The following ABL2 variants were observed in gnomAD, a reference collection of about 807,000 sequenced individuals.
ABL2 encodes ABL proto-oncogene 2, non-receptor tyrosine kinase, also known as tyrosine-protein kinase ABL2.
Under a neutral mutation model 107.7 loss-of-function variants are expected in ABL2, and 49 were observed. The observed-to-expected ratio is 0.45, with a 90% CI of 0.36 to 0.58. The LOEUF is 0.58. Ranked by LOEUF, ABL2 falls within the 20% of genes least tolerant of loss-of-function variation. ABL2 has a pLI of 0.00. For synonymous variants in ABL2, 549 were observed against 548.6 expected (o/e 1.00, Z -0.01); for missense variants, 1,245 against 1,457.0 (o/e 0.85, Z 2.37).
chr1:179,207,749 A>G (rs930774173), intron 1 of ABL2, among the ~76,000 whole-genome samples: 14 of 152,136 alleles, frequency 9.2e-5, no homozygotes, highest in African/African-American at 3.1e-4. Context: ...ATTTTTTTAT[A>G]CCTATGTCAA....
chr1:179,135,084 C>T (rs1182844201), intron 1 of ABL2, among the ~76,000 whole-genome samples: 1 of 152,224 alleles, frequency 6.6e-6, no homozygotes, highest in East Asian at 1.9e-4. Flanking sequence ...TCACTACAAC[C>T]TCCACCTCCC....
intron 1 of ABL2, among the ~76,000 whole-genome samples, chr1:179,156,280 CAAAG>C (rs1486485355): frequency 1.3e-5 from 2 of 152,236 alleles, no homozygotes; most frequent in East Asian, 3.9e-4. Flanking sequence ...CCAAGAGAAA[CAAAG>C]CACCTATTCA....
intron 1 of ABL2, among the ~76,000 whole-genome samples, chr1:179,145,668 C>CA (rs1657934663): frequency 6.6e-6 from 1 of 151,842 alleles, no homozygotes; most frequent in Admixed American, 6.6e-5. Context: ...TCTGAGTAGA[C>CA]AATGTAGCAA....
chr1:179,125,971 C>A (rs989538886), intron 4 of ABL2, among the ~76,000 whole-genome samples: 1 of 152,174 alleles, frequency 6.6e-6, no homozygotes, highest in Non-Finnish European at 1.5e-5. Context: ...TAATGATCGA[C>A]ACCAAGCTCA....
rs527300762 is a variant in ABL2, at chr1:179,122,345, G to A, written c.688-478C>T. Reference sequence around the variant, plus strand: ...ACTATTGCCCAGGCAGGTCTCAAACGCCAGCCTCAAGCAATCCTCCTGCCT... The same window carrying A: ...ACTATTGCCCAGGCAGGTCTCAAACACCAGCCTCAAGCAATCCTCCTGCCT... On this transcript the variant is annotated intron_variant, in intron 4 of 11. Transcript: ENST00000502732. 1.7e-4 allele frequency among the ~76,000 whole-genome samples: 25 copies of A among 148,470 alleles called. No individual in the cohort carries two copies. In the South Asian group the frequency reaches 3.8e-3, roughly 23 times the overall value.
At chr1:179,216,989 T>C (rs558426624) in intron 1 of ABL2, among the ~76,000 whole-genome samples, 15 of 151,482 alleles carry the variant, frequency 9.9e-5, no homozygotes, top group East Asian at 5.9e-4. Flanking sequence ...GCCAGTTACA[T>C]AGATTCTAAT....
At chr1:179,135,214 C>T (rs1451777123) in intron 1 of ABL2, among the ~76,000 whole-genome samples, 1 of 151,942 alleles carries the variant, frequency 6.6e-6, no homozygotes, top group East Asian at 1.9e-4. Context: ...TGAGGAGCCC[C>T]TCTGCCTGGC....
chr1:179,128,030 TAA>T (rs11419750), intron 3 of ABL2, among the ~76,000 whole-genome samples: 6 of 124,930 alleles, frequency 4.8e-5, no homozygotes, highest in Admixed American at 8.2e-5. Context: ...GTGAGACTGC[TAA>T]AAAAAAAAAA....
At chr1:179,201,963 A>C in intron 1 of ABL2, 1 of 1,134,568 alleles carries the variant, frequency 8.8e-7, no homozygotes. Context: ...CCAGGGCTCA[A>C]TCTCAGGGGT....
At chr1:179,184,417 A>T (rs904815033) in intron 1 of ABL2, 10 of 975,812 alleles carry the variant, frequency 1.0e-5, no homozygotes, top group Admixed American at 6.4e-5. Flanking sequence ...AGGAAGAGGC[A>T]GCATGAGGCA....
intron 1 of ABL2, among the ~76,000 whole-genome samples, chr1:179,151,938 A>G (rs767864234): frequency 2.0e-5 from 3 of 152,212 alleles, no homozygotes; most frequent in Non-Finnish European, 4.4e-5. Context: ...TGCTCCTGGT[A>G]GAGTAGGAGC....
At chr1:179,224,231 T>A (rs1324926036) in intron 1 of ABL2, among the ~76,000 whole-genome samples, 1 of 143,290 alleles carries the variant, frequency 7.0e-6, no homozygotes, top group Non-Finnish European at 1.5e-5. Flanking sequence ...TAAGGAAAAA[T>A]TTTTGTTATT....
chr1:179,187,766 C>T (rs1029287507), intron 1 of ABL2, among the ~76,000 whole-genome samples: 1 of 152,112 alleles, frequency 6.6e-6, no homozygotes, highest in African/African-American at 2.4e-5. Context: ...TGATAAAGCT[C>T]ACTGTATCTA....
intron 6 of ABL2, among the ~76,000 whole-genome samples, chr1:179,119,450 G>A (rs1194240838): frequency 3.3e-5 from 5 of 151,566 alleles, no homozygotes; most frequent in Non-Finnish European, 7.4e-5. Context: ...GGTGGAGGTT[G>A]CAGTGAGCCA....
intron 8 of ABL2, among the ~76,000 whole-genome samples, chr1:179,116,529 A>C (rs1242534524): frequency 1.4e-5 from 2 of 145,632 alleles, no homozygotes; most frequent in Non-Finnish European, 3.0e-5. Flanking sequence ...TTTTTGTTTG[A>C]GACAGAGTTT....
At chr1:179,214,303 T>C (rs1185305252) in intron 1 of ABL2, among the ~76,000 whole-genome samples, 1 of 151,998 alleles carries the variant, frequency 6.6e-6, no homozygotes, top group African/African-American at 2.4e-5. Context: ...TATAATTTGA[T>C]ATGACCATCA....
At chr1:179,150,199 TC>T (rs1658280199) in intron 1 of ABL2, among the ~76,000 whole-genome samples, 1 of 152,172 alleles carries the variant, frequency 6.6e-6, no homozygotes, top group Non-Finnish European at 1.5e-5. Flanking sequence ...TACACTGTAC[TC>T]CAGCCTGGGC....
intron 1 of ABL2, among the ~76,000 whole-genome samples, chr1:179,165,934 T>C (rs1659351611): frequency 6.6e-6 from 1 of 152,120 alleles, no homozygotes. Context: ...TAGCTGGGAT[T>C]ACAGGCACAT....
chr1:179,178,157 G>A (rs1211822607), intron 1 of ABL2, among the ~76,000 whole-genome samples: 1 of 152,066 alleles, frequency 6.6e-6, no homozygotes, highest in African/African-American at 2.4e-5. Flanking sequence ...CAGCACTTTG[G>A]GAGGCTGAGG....
Sources: gnomAD v4.1 joint callset for allele counts (sites outside exome capture counted in the v4.1 genomes callset) on GRCh38, gnomAD v4.1.1 for gene constraint, MANE v1.5 for transcripts, NCBI Gene and HGNC (gene_info 2026-07-23, HGNC 2026-07-21) for gene names.